SMARCA5: variants seen among roughly 807,000 people sequenced by gnomAD.
SMARCA5 encodes the protein SNF2 related chromatin remodeling ATPase 5, also known as SWI/SNF-related matrix-associated actin-dependent regulator of chromatin subfamily A member 5.
A neutral mutation model predicts 140.4 loss-of-function variants in SMARCA5; 18 were observed. That is an observed-to-expected ratio of 0.13 (90% confidence interval 0.09 to 0.19). The LOEUF is 0.19. Among genes scored for constraint, SMARCA5 ranks in the 10% least tolerant of loss-of-function variants. SMARCA5 has a pLI of 1.00. For synonymous variants in SMARCA5, 449 were observed against 419.6 expected, an observed-to-expected ratio of 1.07 and a Z score of -0.86; for missense variants, 606 against 1,276.8, an observed-to-expected ratio of 0.47 and a Z score of 8.01.
intron 1 of SMARCA5, 26 bp downstream of exon 1, chr4:143,514,127 G>A (rs1221608001): frequency 1.3e-6 from 2 of 1,497,216 alleles, no homozygotes; most frequent in South Asian, 1.3e-5. Context: ...GGCATGGGGA[G>A]CGGGTGCAGC....
At chr4:143,534,451 C>T (rs1360260623) in intron 9 of SMARCA5, among the ~76,000 whole-genome samples, 1 of 152,096 alleles carries the variant, frequency 6.6e-6, no homozygotes. Context: ...ATAGATGGTT[C>T]CATCTGTGTT....
At chr4:143,546,665 C>G (rs1020289013) in intron 19 of SMARCA5, 111 bp from the exon 20 acceptor site, 4 of 975,004 alleles carry the variant, frequency 4.1e-6, no homozygotes, top group African/African-American at 3.3e-5. Flanking sequence ...TCTAAAAGAA[C>G]TTAATAAACT....
At chr4:143,532,436 A>T (rs1016051371) in intron 9 of SMARCA5, among the ~76,000 whole-genome samples, 6 of 152,168 alleles carry the variant, frequency 3.9e-5, no homozygotes, top group African/African-American at 1.2e-4. Flanking sequence ...AGCAGTATCA[A>T]CCAGATTTGG....
chr4:143,538,765 A>G (rs767872262), intron 12 of SMARCA5, 21 bp from the exon 13 acceptor site: 4 of 1,613,234 alleles, frequency 2.5e-6, no homozygotes, highest in South Asian at 2.2e-5. Context: ...TTTTTTGACA[A>G]CCATTTTGTT....
Position 143,536,484 on chromosome 4 carries a change from TACTCA to T in SMARCA5, c.1307_1311del (p.Asn436SerfsTer21). ...CGGATATTAATGAAGGATATAGATA[TACTCA>T]ACTCAGCAGGCAAGATGGACAAAAT... On this transcript the variant is annotated frameshift_variant, in exon 11 of 24. Transcript: ENST00000283131. LOFTEE classifies it high-confidence loss of function. The T allele has an allele frequency of 6.2e-7, 1 of 1,613,418 alleles. No individual in the cohort carries two copies. The highest frequency in any genetic ancestry group is 8.5e-7 in the Non-Finnish European group (1 of 1,179,410).
chr4:143,551,126 A>G lies in SMARCA5; in HGVS notation c.3093+1022A>G, dbSNP rs535386374. On this transcript the variant is annotated intron_variant, in intron 23 of 23. Coordinates refer to ENST00000283131, the MANE Select transcript of SMARCA5 (RefSeq NM_003601.4). ...TTTATCTGGGATGAGATGTTATCTC[A>G]TTGTAGTTTTGATTGCATTTCTCTG... Among the ~76,000 whole-genome samples, 65 of 12,566 alleles carry G rather than the reference A, an allele frequency of 5.2e-3. No homozygotes were observed. The South Asian group carries it at 0.16, about 31-fold the overall frequency. 8.2% of individuals were successfully genotyped at this position (12,566 alleles called of 152,430 possible). A position where few individuals can be genotyped will look rare whatever the true frequency, so the allele number is the denominator to read the frequency against.
At chr4:143,525,609 T>C (rs1437517270) in intron 5 of SMARCA5, 58 bp downstream of exon 5, 1 of 1,154,186 alleles carries the variant, frequency 8.7e-7, no homozygotes, top group African/African-American at 1.5e-5. Context: ...ATCTTATACG[T>C]TGATAAAAGT....
At chr4:143,546,986 G>A in intron 20 of SMARCA5, 78 bp downstream of exon 20, 2 of 1,373,406 alleles carry the variant, frequency 1.5e-6, no homozygotes, top group Admixed American at 4.2e-5. Flanking sequence ...GAATTATGTT[G>A]TGATTAGCTA....
At chr4:143,544,669 C>T (rs1325865939) in intron 16 of SMARCA5, 68 bp from the exon 17 acceptor site, 5 of 872,236 alleles carry the variant, frequency 5.7e-6, no homozygotes. Context: ...TACAAACATC[C>T]TTCTTGATGA....
At chr4:143,516,017 C>T (rs1478919555) in intron 1 of SMARCA5, among the ~76,000 whole-genome samples, 1 of 150,408 alleles carries the variant, frequency 6.6e-6, no homozygotes, top group Non-Finnish European at 1.5e-5. Flanking sequence ...TGTCAGTTTC[C>T]TGTTTAACAA....
chr4:143,540,296 G>T, intron 13 of SMARCA5, 67 bp from the exon 14 acceptor site: 2 of 1,262,098 alleles, frequency 1.6e-6, no homozygotes, highest in South Asian at 1.6e-5. Context: ...TTTTCTCAGT[G>T]TACCCATTTC....
intron 14 of SMARCA5, among the ~76,000 whole-genome samples, chr4:143,542,662 G>C (rs892589791): frequency 6.6e-6 from 1 of 152,176 alleles, no homozygotes; most frequent in Non-Finnish European, 1.5e-5. Context: ...CTTTGTTTAG[G>C]TGTATGTGAG....
intron 2 of SMARCA5, among the ~76,000 whole-genome samples, chr4:143,518,746 C>CA (rs1736894631): frequency 6.6e-6 from 1 of 151,910 alleles, no homozygotes; most frequent in South Asian, 2.1e-4. Context: ...ATGTAACTGT[C>CA]ACCTTTTTTG....
intron 1 of SMARCA5, 76 bp downstream of exon 1, chr4:143,514,177 C>A: frequency 7.5e-7 from 1 of 1,339,616 alleles, no homozygotes; most frequent in South Asian, 1.5e-5. Flanking sequence ...TCGTGGCGAT[C>A]GGACGCAGAG....
intron 17 of SMARCA5, 59 bp from the exon 18 acceptor site, chr4:143,545,411 G>T (rs1737504262): frequency 9.4e-7 from 1 of 1,059,162 alleles, no homozygotes; most frequent in Non-Finnish European, 1.5e-6. Context: ...GAGGACTAAG[G>T]ATACATTTAA....
chr4:143,529,670 G>A (rs76277889), intron 8 of SMARCA5, among the ~76,000 whole-genome samples: 1,849 of 152,148 alleles, frequency 0.012, 47 homozygotes, highest in African/African-American at 0.042. Context: ...CGTCTTATGT[G>A]TATTGGAGGG....
chr4:143,529,884 T>C (rs1436781201), intron 8 of SMARCA5, among the ~76,000 whole-genome samples: 1 of 152,202 alleles, frequency 6.6e-6, no homozygotes, highest in Non-Finnish European at 1.5e-5. Context: ...CTCACTACAT[T>C]GACACTTTCA....
In SMARCA5 at chr4:143,513,756, C is replaced by A. The variant is rs764606869; in HGVS notation, c.-169C>A. On this transcript the variant is annotated 5_prime_UTR_variant, in exon 1 of 24. Coordinates refer to ENST00000283131, the MANE Select transcript of SMARCA5 (RefSeq NM_003601.4). The stretch of plus-strand genomic sequence containing the variant: ...GCAGAACGTTTGGGAGTGTGCAGCT[C>A]CTGGGCCCGGCTCAGGCCCGTCGCG... 1.4e-6 allele frequency: 1 copy of A among 703,066 alleles called. No individual in the cohort carries two copies. The highest frequency in any genetic ancestry group is 2.3e-6 in the Non-Finnish European group (1 of 433,374). 43.6% of individuals were successfully genotyped at this position (703,066 alleles called of 1,614,324 possible).
intron 23 of SMARCA5, among the ~76,000 whole-genome samples, chr4:143,552,052 A>AT (rs1215092878): frequency 1.3e-5 from 2 of 152,018 alleles, no homozygotes; most frequent in African/African-American, 4.8e-5. Context: ...TGAACATGGA[A>AT]TATCTATTTT....
Sources: allele counts gnomAD v4.1 joint callset (sites outside exome capture counted in the v4.1 genomes callset), GRCh38; gene constraint gnomAD v4.1.1; transcripts MANE v1.5; gene names NCBI Gene and HGNC (gene_info 2026-07-23, HGNC 2026-07-21).